The following PCDH15 variants were observed in gnomAD, a reference collection of about 807,000 sequenced individuals.
PCDH15 encodes protocadherin-15.
A neutral mutation model predicts 178.5 loss-of-function variants in PCDH15; 129 were observed. That is an observed-to-expected ratio of 0.72 (90% confidence interval 0.63 to 0.84). The LOEUF (loss-of-function observed/expected upper bound fraction) is 0.84, where lower values mean the gene tolerates loss of function less well. Ranked by LOEUF, PCDH15 falls within the 40% of genes least tolerant of loss-of-function variation. The pLI is 0.00. For missense variants in PCDH15, 2,230 were observed against 2,099.9 expected (o/e 1.06, Z -1.21); for synonymous variants, 800 against 732.0 (o/e 1.09, Z -1.50).
intron 1 of PCDH15, among the ~76,000 whole-genome samples, chr10:54,770,573 C>T (rs1013111259): frequency 2.0e-5 from 3 of 151,978 alleles, no homozygotes; most frequent in Admixed American, 6.6e-5. Flanking sequence ...AGGATATGTA[C>T]CTGCCTAGCA....
intron 10 of PCDH15, among the ~76,000 whole-genome samples, chr10:54,205,481 T>TTGTGTGTGTGTGTGTG (rs71461223): frequency 0.057 from 7,670 of 135,028 alleles, 304 homozygotes; most frequent in Middle Eastern, 0.073. Context: ...TATATTTCCT[T>TTGTGTGTGTGTGTGTG]TGTGTGTGTG....
At chr10:55,294,242 C>T (rs983524265) in intron 1 of PCDH15, among the ~76,000 whole-genome samples, 1 of 152,162 alleles carries the variant, frequency 6.6e-6, no homozygotes, top group South Asian at 2.1e-4. Flanking sequence ...TCAATTACCT[C>T]CCACTGGCTC....
intron 3 of PCDH15, among the ~76,000 whole-genome samples, chr10:54,507,235 C>T (rs777900210): frequency 9.2e-5 from 14 of 151,690 alleles, no homozygotes; most frequent in Non-Finnish European, 1.6e-4. Flanking sequence ...TGAGGTAAGT[C>T]TCCTAGCCTT....
intron 2 of PCDH15, among the ~76,000 whole-genome samples, chr10:54,547,337 T>G (rs2085975085): frequency 6.6e-6 from 1 of 152,176 alleles, no homozygotes; most frequent in Non-Finnish European, 1.5e-5. Context: ...TTACCTTTTC[T>G]AAAATGTCAA....
At chr10:54,373,152 A>AT (rs1011188615) in intron 4 of PCDH15, among the ~76,000 whole-genome samples, 1 of 151,674 alleles carries the variant, frequency 6.6e-6, no homozygotes, top group African/African-American at 2.4e-5. Context: ...AATCCAATAT[A>AT]TTTTTTTTCT....
chr10:55,130,602 G>A (rs1298131679), intron 2 of PCDH15, among the ~76,000 whole-genome samples: 1 of 151,666 alleles, frequency 6.6e-6, no homozygotes, highest in Non-Finnish European at 1.5e-5. Context: ...TAGGTAAGGT[G>A]GAAATAATTA....
intron 2 of PCDH15, among the ~76,000 whole-genome samples, chr10:54,986,457 A>G (rs1275430795): frequency 6.6e-6 from 1 of 152,204 alleles, no homozygotes; most frequent in Non-Finnish European, 1.5e-5. Context: ...TTTTCCCACT[A>G]GACATAACTC....
At chr10:54,166,212 C>T (rs2133523332) in intron 13 of PCDH15, among the ~76,000 whole-genome samples, 1 of 152,298 alleles carries the variant, frequency 6.6e-6, no homozygotes, top group South Asian at 2.1e-4. Context: ...ATCATCCCCA[C>T]TCACTTTTGA....
At chr10:55,101,092 T>G (rs1452004033) in intron 2 of PCDH15, among the ~76,000 whole-genome samples, 1 of 152,070 alleles carries the variant, frequency 6.6e-6, no homozygotes, top group Non-Finnish European at 1.5e-5. Context: ...TAAAATATTT[T>G]TATGGGCTTG....
chr10:54,559,020 C>T (rs2087689211), intron 2 of PCDH15, among the ~76,000 whole-genome samples: 1 of 151,948 alleles, frequency 6.6e-6, no homozygotes, highest in South Asian at 2.1e-4. Context: ...ACAAGAATTG[C>T]GCAGGTTCCT....
chr10:55,376,741 T>C lies in PCDH15; in HGVS notation c.-155-210090A>G, dbSNP rs561830267. Among the ~76,000 whole-genome samples the C allele has an allele frequency of 1.0e-3, 159 of 152,202 alleles. 1 individual carries two copies. Among genetic ancestry groups the C allele is most frequent in the Non-Finnish European group, 2.0e-3 (135 of 67,960 alleles). ...TGTTCTTGGAGAGTCAATACACCTATAAGCGGATTTTTCAAATGAAATTTA... is the reference window on the plus strand; with the variant it reads ...TGTTCTTGGAGAGTCAATACACCTACAAGCGGATTTTTCAAATGAAATTTA... On this transcript the variant is annotated intron_variant, in intron 2 of 5. Coordinates refer to the PCDH15 transcript ENST00000613346.
At chr10:54,118,244 T>C (rs572149591) in intron 15 of PCDH15, among the ~76,000 whole-genome samples, 47 of 152,280 alleles carry the variant, frequency 3.1e-4, no homozygotes, top group African/African-American at 1.1e-3. Context: ...GCCACACATC[T>C]GCAGCCATCT....
At chr10:55,124,670 A>T (rs1437852841) in intron 2 of PCDH15, among the ~76,000 whole-genome samples, 1 of 152,244 alleles carries the variant, frequency 6.6e-6, no homozygotes, top group South Asian at 2.1e-4. Context: ...TATTAAATAT[A>T]ACTAAATGGC....
intron 15 of PCDH15, among the ~76,000 whole-genome samples, chr10:54,118,019 T>C (rs753782425): frequency 7.9e-5 from 12 of 152,164 alleles, no homozygotes; most frequent in Admixed American, 4.6e-4. Flanking sequence ...CCAATGTCAT[T>C]ATTCATAGAA....
At chr10:53,908,103 C>G (rs889020456) in intron 25 of PCDH15, among the ~76,000 whole-genome samples, 8 of 152,158 alleles carry the variant, frequency 5.3e-5, no homozygotes, top group African/African-American at 1.9e-4. Context: ...GTGTTCTCAA[C>G]TGGGATCAAT....
chr10:54,254,034 C>A (rs2056712191), intron 8 of PCDH15, among the ~76,000 whole-genome samples: 1 of 151,842 alleles, frequency 6.6e-6, no homozygotes, highest in South Asian at 2.1e-4. Context: ...CTGAAATTAA[C>A]AAAATGAGGA....
chr10:54,797,640 C>T (rs1461264331), intron 1 of PCDH15, among the ~76,000 whole-genome samples: 1 of 151,720 alleles, frequency 6.6e-6, no homozygotes, highest in Non-Finnish European at 1.5e-5. Context: ...ATTCATTTTG[C>T]TGGCTTCATT....
chr10:54,477,418 C>T (rs1011608400), intron 3 of PCDH15, among the ~76,000 whole-genome samples: 12 of 152,064 alleles, frequency 7.9e-5, no homozygotes, highest in African/African-American at 2.7e-4. Context: ...GTTCCTATAA[C>T]AACACTCATC....
In PCDH15 at chr10:54,705,365, G is replaced by A. The variant is rs143499129; in HGVS notation, c.-28-41075C>T. On this transcript the variant is annotated intron_variant, in intron 1 of 37. Transcript: ENST00000644397. ...ATCCATATCAGTTATTTCCAGAACT[G>A]TCATTTGAATGTGGTAGAGATATAA... 7.3e-3 allele frequency among the ~76,000 whole-genome samples: 1,111 copies of A among 152,094 alleles called. 22 individuals carry two copies. Among genetic ancestry groups the A allele is most frequent in the African/African-American group, 0.025 (1,057 of 41,496 alleles).
Sources: gnomAD v4.1 joint callset for allele counts (sites outside exome capture counted in the v4.1 genomes callset) on GRCh38, gnomAD v4.1.1 for gene constraint, MANE v1.5 for transcripts, NCBI Gene and HGNC (gene_info 2026-07-23, HGNC 2026-07-21) for gene names.